The following AGO3 variants were observed in gnomAD, a reference collection of about 807,000 sequenced individuals.
The protein encoded by AGO3 is argonaute RISC catalytic component 3.
A neutral mutation model predicts 105.5 loss-of-function variants in AGO3; 16 were observed. That is an observed-to-expected ratio of 0.15 (90% CI 0.10 to 0.23). The LOEUF (loss-of-function observed/expected upper bound fraction) is 0.23. AGO3 is among the 10% of genes least tolerant of loss of function. AGO3 has a pLI of 1.00. For missense variants in AGO3, 534 were observed against 1,088.0 expected, an observed-to-expected ratio of 0.49 and a Z score of 7.16; for synonymous variants, 340 against 367.3, an observed-to-expected ratio of 0.93 and a Z score of 0.85.
intron 9 of AGO3, among the ~76,000 whole-genome samples, chr1:36,011,388 G>A (rs1640605448): frequency 6.6e-6 from 1 of 151,898 alleles, no homozygotes; most frequent in Admixed American, 6.6e-5. Flanking sequence ...TCTGTAAAGA[G>A]TCAAAGAAAG....
chr1:36,037,184 A>G (rs916568009), intron 14 of AGO3, among the ~76,000 whole-genome samples: 7 of 152,218 alleles, frequency 4.6e-5, no homozygotes, highest in Non-Finnish European at 8.8e-5. Context: ...GAAAATATGA[A>G]CATCTTTTAG....
rs574031700 is a variant in AGO3, at chr1:36,027,541, G to C, written c.1591+243G>C. The stretch of plus-strand genomic sequence containing the variant: ...GCCTGTAATCCCAGCACTTTGGGAG[G>C]CCGAGGCGGGTGGATCACCTGAGGT... On this transcript the variant is annotated intron_variant, in intron 12 of 18. Coordinates refer to ENST00000373191, the MANE Select transcript of AGO3 (RefSeq NM_024852.4). This position sits in a 1 kb window ranked among gnomAD's most constrained non-coding sequence, Gnocchi z 4.0. 6.6e-6 allele frequency among the ~76,000 whole-genome samples: 1 copy of C among 152,214 alleles called. No individual in the cohort carries two copies. The highest frequency in any genetic ancestry group is 1.5e-5 in the Non-Finnish European group (1 of 68,030).
chr1:36,002,324 ATTTTTT>A (rs375411955), intron 5 of AGO3, among the ~76,000 whole-genome samples: 2 of 119,232 alleles, frequency 1.7e-5, no homozygotes, highest in Non-Finnish European at 3.4e-5. Context: ...AGCCAAGATA[ATTTTTT>A]TTTTTTTTTT....
Position 35,985,242 on chromosome 1 carries a change from A to G in AGO3, c.658+11731A>G, listed in dbSNP as rs549233698. On this transcript the variant is annotated intron_variant, in intron 5 of 18. Transcript: ENST00000373191. The stretch of plus-strand genomic sequence containing the variant: ...GGCTGCAGTGAACTGTGATCTCACC[A>G]CTGTACTCCAGCCTGGGCAACAGAA... 2.6e-5 allele frequency among the ~76,000 whole-genome samples: 4 copies of G among 152,318 alleles called. No individual in the cohort carries two copies. The East Asian group carries it at 7.7e-4, about 29-fold the overall frequency.
chr1:35,930,958 C>G (rs976621081), upstream of AGO3: 9 of 314,578 alleles, frequency 2.9e-5, no homozygotes, highest in Non-Finnish European at 4.6e-5. Context: ...TGGCCCGGCT[C>G]CCGGACACCT....
chr1:35,990,650 A>G (rs1049950661), intron 5 of AGO3, among the ~76,000 whole-genome samples: 16 of 152,210 alleles, frequency 1.1e-4, no homozygotes, highest in African/African-American at 3.6e-4. Context: ...ATTTCTGCAA[A>G]GTAGTTAGAA....
intron 14 of AGO3, among the ~76,000 whole-genome samples, chr1:36,039,215 G>A (rs1422484476): frequency 6.6e-6 from 1 of 152,094 alleles, no homozygotes; most frequent in Non-Finnish European, 1.5e-5. Context: ...GATGGGGTAG[G>A]CTGGGTGCGG....
In AGO3 at chr1:36,018,073, CG is replaced by C. The variant is rs376672033; in HGVS notation, c.1406+4028del. Among the ~76,000 whole-genome samples the C allele has an allele frequency of 2.0e-4, 31 of 151,430 alleles. No individual in the cohort carries two copies. In the East Asian group the frequency reaches 4.7e-3, roughly 23 times the overall value. ...TCGGCTCACTGCAGCCTCTGCCTCCCGGGATCAAACAATTGTCCTGCCTCAG... is the reference window on the plus strand; with the variant it reads ...TCGGCTCACTGCAGCCTCTGCCTCCCGGATCAAACAATTGTCCTGCCTCAG... On this transcript the variant is annotated intron_variant, in intron 11 of 18. Coordinates refer to ENST00000373191, the MANE Select transcript of AGO3 (RefSeq NM_024852.4).
chr1:35,976,644 G>A (rs1384698876), intron 5 of AGO3, among the ~76,000 whole-genome samples: 2 of 152,150 alleles, frequency 1.3e-5, no homozygotes, highest in Non-Finnish European at 2.9e-5. Context: ...TTTATCAAGA[G>A]TATGTGTTAA....
chr1:35,977,182 G>A (rs1646968686), intron 5 of AGO3, among the ~76,000 whole-genome samples: 1 of 147,932 alleles, frequency 6.8e-6, no homozygotes, highest in Non-Finnish European at 1.5e-5. Flanking sequence ...TGATTATTAT[G>A]CATTATATGC....
chr1:35,986,793 C>T (rs1012970244), intron 5 of AGO3, among the ~76,000 whole-genome samples: 35 of 151,684 alleles, frequency 2.3e-4, no homozygotes, highest in African/African-American at 8.2e-4. Flanking sequence ...GTCAGGAGTT[C>T]GAGACCAGCC....
At chr1:35,987,909 A>C (rs375346796) in intron 5 of AGO3, among the ~76,000 whole-genome samples, 1 of 151,974 alleles carries the variant, frequency 6.6e-6, no homozygotes, top group East Asian at 1.9e-4. Context: ...CTCTACTAAA[A>C]ATACAAAAAT....
chr1:35,945,636 G>A, intron 1 of AGO3, 56 bp from the exon 2 acceptor site: 1 of 1,557,168 alleles, frequency 6.4e-7, no homozygotes, highest in Non-Finnish European at 8.7e-7. Context: ...TGGTTGACAA[G>A]GCTTTGGAAT....
At position 36,059,117 on chromosome 1, in the gene AGO3, A is replaced by C. The variant is rs1426875996; in HGVS notation, c.*3372A>C. The C allele has an allele frequency of 6.6e-6, 1 of 152,132 alleles. No individual in the cohort carries two copies. The highest frequency in any genetic ancestry group is 1.5e-5 in the Non-Finnish European group (1 of 68,018). The allele number at this position is 152,132 out of a possible 1,614,324, so 9.4% of individuals were successfully genotyped here. A position where few individuals can be genotyped will look rare whatever the true frequency, so the allele number is the denominator to read the frequency against. On this transcript the variant is annotated 3_prime_UTR_variant, in exon 19 of 19. Transcript: ENST00000373191. ...TGGAAGGACTTTTTTAAGAGGAAAA[A>C]TATTTTTTCTAAATTATAAAGCTTT...
intron 6 of AGO3, among the ~76,000 whole-genome samples, chr1:36,006,595 G>T (rs760367259): frequency 6.6e-6 from 1 of 151,804 alleles, no homozygotes; most frequent in Non-Finnish European, 1.5e-5. Flanking sequence ...ATATTTTTAC[G>T]TCTTGTTTCT....
At chr1:36,019,534 T>C (rs1355195210) in intron 11 of AGO3, among the ~76,000 whole-genome samples, 4 of 152,222 alleles carry the variant, frequency 2.6e-5, no homozygotes, top group African/African-American at 9.6e-5. Flanking sequence ...ACCTTTTAGC[T>C]GCTGTTATAG....
At chr1:35,941,062 C>A (rs746406851) in intron 1 of AGO3, among the ~76,000 whole-genome samples, 1 of 152,154 alleles carries the variant, frequency 6.6e-6, no homozygotes, top group Admixed American at 6.6e-5. Context: ...CTTGTAGACA[C>A]CTCAAATTTA....
Position 36,052,823 on chromosome 1 carries a change from G to A in AGO3, c.2275-2123G>A, listed in dbSNP as rs539605858. Among the ~76,000 whole-genome samples, 9 of 152,134 alleles carry A rather than the reference G, an allele frequency of 5.9e-5. No individual in the cohort carries two copies. The East Asian group carries it at 1.7e-3, about 29-fold the overall frequency. On this transcript the variant is annotated intron_variant, in intron 17 of 18. Transcript: ENST00000373191. Reference sequence around the variant, plus strand: ...GCCCAAGAGTTGGAGACCAGTCTGGGCAACATGGCAAAACCTCATCTCTAT... The same window carrying A: ...GCCCAAGAGTTGGAGACCAGTCTGGACAACATGGCAAAACCTCATCTCTAT...
chr1:36,008,768 G>A lies in AGO3; in HGVS notation c.872G>A (p.Ser291Asn). Residue 291 changes from serine (S) to asparagine (N), a missense_variant, in exon 7 of 19, where the codon AGT becomes AAT. Physicochemically the swap from Ser to Asn is conservative, Grantham distance 46. Transcript: ENST00000373191. The surrounding 1 kb of genome is among the most constrained non-coding windows in gnomAD (Gnocchi z 5.1). Reference protein sequence around the residue: ...RVCNVTRRPASHQTFPLQLEN... With the variant: ...RVCNVTRRPANHQTFPLQLEN... ...TGTAATGTAACAAGGAGGCCTGCCA[G>A]TCATCAAACGTAAGAAAAGTTTGTC... 1 of 1,614,180 alleles carries A rather than the reference G, an allele frequency of 6.2e-7. No homozygotes were observed. Among genetic ancestry groups the A allele is most frequent in the Non-Finnish European group, 8.5e-7 (1 of 1,180,030 alleles).
Sources: allele counts gnomAD v4.1 joint callset (sites outside exome capture counted in the v4.1 genomes callset), GRCh38; gene constraint gnomAD v4.1.1; non-coding constraint Gnocchi (gnomAD v3.1); transcripts MANE v1.5; gene names NCBI Gene and HGNC (gene_info 2026-07-23, HGNC 2026-07-21).